KCNN2: variants seen among roughly 807,000 people sequenced by gnomAD.
The protein encoded by KCNN2 is small conductance calcium-activated potassium channel protein 2.
A neutral mutation model predicts 55.5 loss-of-function variants in KCNN2; 24 were observed. That is an observed-to-expected ratio of 0.43 (90% CI 0.31 to 0.61). The LOEUF (loss-of-function observed/expected upper bound fraction) is 0.61, where lower values mean the gene tolerates loss of function less well. KCNN2 is among the 20% of genes least tolerant of loss of function. The probability of loss-of-function intolerance (pLI) is 0.08; values close to 1 mark genes in which losing one functional copy is unlikely to be tolerated. For missense variants in KCNN2, 754 were observed against 853.6 expected (o/e 0.88, Z 1.45); for synonymous variants, 431 against 336.1 (o/e 1.28, Z -3.09).
At chr5:114,409,098 G>C (rs1253776821) in intron 3 of KCNN2, among the ~76,000 whole-genome samples, 1 of 152,174 alleles carries the variant, frequency 6.6e-6, no homozygotes, top group African/African-American at 2.4e-5. Flanking sequence ...TAGGGGCTGA[G>C]TGACCTCAGG....
chr5:114,358,172 C>A (rs930945608), upstream of KCNN2, among the ~76,000 whole-genome samples: 3 of 151,852 alleles, frequency 2.0e-5, no homozygotes, highest in African/African-American at 7.3e-5. Flanking sequence ...AGTGAACAGG[C>A]AACCTACGAA....
intron 1 of KCNN2, among the ~76,000 whole-genome samples, chr5:114,218,016 G>A (rs748948377): frequency 3.3e-5 from 5 of 152,084 alleles, no homozygotes; most frequent in Non-Finnish European, 7.4e-5. Context: ...GTATCATAAG[G>A]GAAATGCAAA....
chr5:114,298,146 T>G (rs1756069473), intron 2 of KCNN2, among the ~76,000 whole-genome samples: 1 of 152,162 alleles, frequency 6.6e-6, no homozygotes, highest in African/African-American at 2.4e-5. Flanking sequence ...TGCAGGGTTG[T>G]CACAACAGGC....
At chr5:114,176,544 C>G (rs188599681) in intron 1 of KCNN2, among the ~76,000 whole-genome samples, 1 of 152,174 alleles carries the variant, frequency 6.6e-6, no homozygotes, top group Admixed American at 6.5e-5. Context: ...ACAAGAATGA[C>G]TGAGAGGAAT....
intron 3 of KCNN2, among the ~76,000 whole-genome samples, chr5:114,459,684 C>T (rs186875167): frequency 4.8e-4 from 73 of 152,178 alleles, no homozygotes; most frequent in Admixed American, 1.3e-3. Context: ...TTTTTCTATT[C>T]TGAGCTATTT....
intron 1 of KCNN2, among the ~76,000 whole-genome samples, chr5:114,183,544 C>T (rs999474841): frequency 6.6e-6 from 1 of 152,010 alleles, no homozygotes; most frequent in Non-Finnish European, 1.5e-5. Context: ...CAAATAGATT[C>T]TCTGCTTCAT....
At chr5:114,480,097 A>G (rs1027074527) in intron 5 of KCNN2, among the ~76,000 whole-genome samples, 1 of 152,130 alleles carries the variant, frequency 6.6e-6, no homozygotes, top group Non-Finnish European at 1.5e-5. Context: ...CTTTGAAAAA[A>G]TTAAAATAAA....
chr5:114,321,651 G>GT (rs57707854), intron 2 of KCNN2, among the ~76,000 whole-genome samples: 251 of 148,944 alleles, frequency 1.7e-3, no homozygotes, highest in African/African-American at 3.0e-3. Context: ...CACTGGATTT[G>GT]TTTTTTTTTT....
At chr5:114,438,067 A>C (rs768176678) in intron 3 of KCNN2, among the ~76,000 whole-genome samples, 3 of 152,168 alleles carry the variant, frequency 2.0e-5, no homozygotes, top group East Asian at 3.9e-4. Flanking sequence ...TCTCCTTCTC[A>C]GTCTTTCTAA....
chr5:114,158,076 C>T (rs181300170), intron 1 of KCNN2, among the ~76,000 whole-genome samples: 34 of 152,252 alleles, frequency 2.2e-4, no homozygotes, highest in East Asian at 1.4e-3. Flanking sequence ...GAAGTCCTTG[C>T]CCATGCCTAT....
rs1760544922 is a variant in KCNN2 at position 114,449,251 on chromosome 5, C to G, written c.1638-13798C>G. ...TCCTCTCCTTCTCCAGCCCTCTTTT[C>G]AGTCTTTGTCATACTAGTTACTGTG... On this transcript the variant is annotated intron_variant, in intron 3 of 7. Transcript: ENST00000673685. Among the ~76,000 whole-genome samples the G allele has an allele frequency of 2.0e-5, 3 of 152,226 alleles. No homozygotes were observed. In the South Asian group the frequency reaches 6.2e-4, roughly 32 times the overall value.
chr5:114,319,994 T>TTGAA (rs1033275242), intron 2 of KCNN2, among the ~76,000 whole-genome samples: 6 of 152,332 alleles, frequency 3.9e-5, no homozygotes, highest in African/African-American at 1.4e-4. Flanking sequence ...TTTCACTTCC[T>TTGAA]TGAAGCTCAT....
intron 1 of KCNN2, among the ~76,000 whole-genome samples, chr5:114,154,258 C>T (rs1019197811): frequency 2.0e-5 from 3 of 152,060 alleles, no homozygotes; most frequent in African/African-American, 7.2e-5. Context: ...CTGAGAAATA[C>T]CAGTGTTATG....
intron 2 of KCNN2, among the ~76,000 whole-genome samples, chr5:114,267,793 T>C (rs1375096023): frequency 6.6e-6 from 1 of 152,214 alleles, no homozygotes; most frequent in Non-Finnish European, 1.5e-5. Flanking sequence ...ATTTACAATA[T>C]AGTCAGACTT....
At chr5:114,315,840 C>T (rs62382914) in intron 2 of KCNN2, among the ~76,000 whole-genome samples, 347 of 152,072 alleles carry the variant, frequency 2.3e-3, no homozygotes, top group Non-Finnish European at 3.2e-3. Context: ...GATAGAGAAG[C>T]CTTTCTGTGG....
intron 2 of KCNN2, among the ~76,000 whole-genome samples, chr5:114,346,769 C>CAA (rs138308313): frequency 0.37 from 50,051 of 135,842 alleles, 10,430 homozygotes; most frequent in East Asian, 0.83. Flanking sequence ...ATTCATTCTC[C>CAA]AAAAAAAAAA....
chr5:114,227,871 GTA>G (rs199866929), intron 2 of KCNN2, among the ~76,000 whole-genome samples: 1 of 151,582 alleles, frequency 6.6e-6, no homozygotes, highest in Non-Finnish European at 1.5e-5. Context: ...ATATATGAGT[GTA>G]TATATATATA....
intron 1 of KCNN2, among the ~76,000 whole-genome samples, chr5:114,218,204 C>T (rs1754048821): frequency 1.3e-5 from 2 of 152,164 alleles, no homozygotes; most frequent in South Asian, 4.1e-4. Context: ...ACATAGTCTT[C>T]CTATATTACA....
rs991253970 is a variant in KCNN2 at position 114,130,781 on chromosome 5, C to T, written c.-271+74281C>T. Among the ~76,000 whole-genome samples, 4 of 152,156 alleles carry T rather than the reference C, an allele frequency of 2.6e-5. No homozygotes were observed. The East Asian group carries it at 7.7e-4, about 29-fold the overall frequency. On this transcript the variant is annotated intron_variant, in intron 1 of 10. Transcript: ENST00000512097. ...GCAGGCATAAAACCAAGGATAAAGG[C>T]AGACAGCCTCAAAGCATGTATGTAT...
Sources: gnomAD v4.1 joint callset for allele counts (sites outside exome capture counted in the v4.1 genomes callset) on GRCh38, gnomAD v4.1.1 for gene constraint, MANE v1.5 for transcripts, NCBI Gene and HGNC (gene_info 2026-07-23, HGNC 2026-07-21) for gene names.